Variants in CC2D1B observed in about 807,000 individuals in gnomAD.
CC2D1B encodes the protein coiled-coil and C2 domain containing 1B.
CC2D1B carries 92 observed loss-of-function variants against 110.8 expected under a neutral mutation model. The observed-to-expected ratio is 0.83, with a 90% CI of 0.70 to 0.99. The LOEUF is 0.99. Ranked by LOEUF, CC2D1B falls within the 50% of genes least tolerant of loss-of-function variation. The probability of loss-of-function intolerance (pLI) is 0.00; values close to 1 mark genes in which losing one functional copy is unlikely to be tolerated. For synonymous variants in CC2D1B, 406 were observed against 429.2 expected (o/e 0.95, Z 0.67); for missense variants, 1,136 against 1,089.0 (o/e 1.04, Z -0.61).
intron 4 of CC2D1B, 84 bp downstream of exon 4, chr1:52,361,429 C>T: frequency 1.0e-5 from 16 of 1,587,286 alleles, no homozygotes; most frequent in Non-Finnish European, 1.4e-5. Context: ...TACAGGGGCA[C>T]CCCCAGCCTC....
chr1:52,360,317 A>C (rs1569859214), intron 6 of CC2D1B, 84 bp from the exon 7 acceptor site: 2 of 1,595,026 alleles, frequency 1.3e-6, no homozygotes, highest in African/African-American at 1.3e-5. Flanking sequence ...TGGCCCCCCA[A>C]CCCCCAAAGT....
At chr1:52,364,068 A>G (rs1245514419) in intron 2 of CC2D1B, among the ~76,000 whole-genome samples, 1 of 152,198 alleles carries the variant, frequency 6.6e-6, no homozygotes, top group Non-Finnish European at 1.5e-5. Flanking sequence ...TTGCGACTTG[A>G]GTCTATGCCC....
rs1477017192 is a variant in CC2D1B at position 52,351,693 on chromosome 1, G to C, written c.*1532C>G. On this transcript the variant is annotated 3_prime_UTR_variant, in exon 25 of 25. Coordinates refer to ENST00000284376, the MANE Select transcript of CC2D1B (RefSeq NM_001330585.2). The stretch of plus-strand genomic sequence containing the variant: ...GAGGTCAGGAGTTCGAGACCAGCCT[G>C]ACCAACATGGTGAAACACCGTCTCT... 6.6e-6 allele frequency: 1 copy of C among 152,022 alleles called. No homozygotes were observed. Among genetic ancestry groups the C allele is most frequent in the Non-Finnish European group, 1.5e-5 (1 of 68,028 alleles). 9.4% of individuals were successfully genotyped at this position (152,022 alleles called of 1,614,324 possible).
intron 7 of CC2D1B, 36 bp downstream of exon 7, chr1:52,360,038 C>T (rs1646745237): frequency 1.3e-6 from 2 of 1,554,560 alleles, no homozygotes; most frequent in Non-Finnish European, 1.7e-6. Flanking sequence ...GCTATGACCC[C>T]AGGAACTAGA....
At chr1:52,362,508 T>C (rs1409744086) in intron 3 of CC2D1B, 94 bp downstream of exon 3, 4 of 1,455,632 alleles carry the variant, frequency 2.7e-6, no homozygotes, top group Non-Finnish European at 3.8e-6. Flanking sequence ...CCAGGGGATC[T>C]GGCTGGCTCC....
Position 52,361,846 on chromosome 1 carries a change from T to A in CC2D1B, c.215-230A>T, listed in dbSNP as rs552740679. Reference sequence around the variant, plus strand: ...CTGCTCCTTTCTCTGCACCTCTGCCTACGGTAGCCTGACATAGACATGGCC... The same window carrying A: ...CTGCTCCTTTCTCTGCACCTCTGCCAACGGTAGCCTGACATAGACATGGCC... On this transcript the variant is annotated intron_variant, in intron 3 of 24. Coordinates refer to ENST00000284376, the MANE Select transcript of CC2D1B (RefSeq NM_001330585.2). Among the ~76,000 whole-genome samples, 830 of 152,334 alleles carry A rather than the reference T, an allele frequency of 5.4e-3. 5 individuals are homozygous for A. Among genetic ancestry groups the A allele is most frequent in the South Asian group, 0.02 (96 of 4,826 alleles).
chr1:52,352,838 C>A lies in CC2D1B; in HGVS notation c.*387G>T, dbSNP rs1646554308. ...CCCGATCACCCTCAAGTTCTCCCATCCCATAGTTAGATCTTTTAAAGGCAC... is the reference window on the plus strand; with the variant it reads ...CCCGATCACCCTCAAGTTCTCCCATACCATAGTTAGATCTTTTAAAGGCAC... On this transcript the variant is annotated 3_prime_UTR_variant, in exon 25 of 25. Coordinates refer to ENST00000284376, the MANE Select transcript of CC2D1B (RefSeq NM_001330585.2). 6.1e-6 allele frequency: 1 copy of A among 163,130 alleles called. No individual in the cohort carries two copies. The highest frequency in any genetic ancestry group is 2.4e-5 in the African/African-American group (1 of 41,644). 10.1% of individuals were successfully genotyped at this position (163,130 alleles called of 1,614,324 possible). A position where few individuals can be genotyped will look rare whatever the true frequency, so the allele number is the denominator to read the frequency against.
Position 52,359,743 on chromosome 1 carries a change from C to A in CC2D1B, c.904G>T (p.Glu302Ter), listed in dbSNP as rs763802207. Reference protein sequence around the residue: ...VAALSAKRAGELDRARELMRI... With the variant: ...VAALSAKRAG ...ATGAGCTCTCGGGCACGGTCTAGCTCTCCAGCCCGCTTGGCACTGAGGGCA... is the reference window on the plus strand; with the variant it reads ...ATGAGCTCTCGGGCACGGTCTAGCTATCCAGCCCGCTTGGCACTGAGGGCA... The change falls in exon 8 of 25, where the codon GAG (glutamate) becomes TAG (stop). Residue 302 changes from glutamate to a stop codon, truncating the protein, a stop_gained. Transcript: ENST00000284376. LOFTEE classifies it high-confidence loss of function. 2 of 1,609,558 alleles carry A rather than the reference C, an allele frequency of 1.2e-6. No individual in the cohort carries two copies. Among genetic ancestry groups the A allele is most frequent in the East Asian group, 4.5e-5 (2 of 44,640 alleles).
At chr1:52,358,871 TG>T in intron 11 of CC2D1B, 113 bp from the exon 12 acceptor site, 1 of 1,431,372 alleles carries the variant, frequency 7.0e-7, no homozygotes, top group Non-Finnish European at 9.5e-7. Flanking sequence ...ACAGCAGCCC[TG>T]GGAGAAAAAA....
chr1:52,359,795 T>C lies in CC2D1B; in HGVS notation c.852A>G (p.Ser284=), dbSNP rs748755960. ...CCACTTTGTACTCTCTCTGTCGGGA[T>C]GACAGCAGGGCCCGCGGGTCTGGGT... The part of the protein sequence containing the change: ...DLDPDPRALL[S]SRQREYKVAA... Residue 284 remains serine, a synonymous_variant, in exon 8 of 25, where the codon TCA becomes TCG. Transcript: ENST00000284376. 2.1e-5 allele frequency: 34 copies of C among 1,611,518 alleles called. No individual in the cohort carries two copies. The highest frequency in any genetic ancestry group is 2.7e-5 in the Non-Finnish European group (32 of 1,178,984).
At position 52,353,063 on chromosome 1, in the gene CC2D1B, G is replaced by GGAAA. The variant is rs577898217; in HGVS notation, c.*158_*161dup. 6.8e-5 allele frequency: 46 copies of GGAAA among 679,716 alleles called. No individual in the cohort carries two copies. In the East Asian group the frequency reaches 1.0e-3, roughly 15 times the overall value. The allele number at this position is 679,716 out of a possible 1,614,324, so 42.1% of individuals were successfully genotyped here. ...TAGAGCCCCAGAGGGGCCAACAACA[G>GGAAA]GAAAGACCAGAGTCGTGGTCAGTAG... On this transcript the variant is annotated 3_prime_UTR_variant, in exon 25 of 25. Coordinates refer to ENST00000284376, the MANE Select transcript of CC2D1B (RefSeq NM_001330585.2).
Position 52,366,148 on chromosome 1 carries a change from G to A in CC2D1B, c.-94C>T, listed in dbSNP as rs1053879265. 2.0e-5 allele frequency: 3 copies of A among 152,134 alleles called. No homozygotes were observed. Among genetic ancestry groups the A allele is most frequent in the South Asian group, 2.1e-4 (1 of 4,836 alleles). 9.4% of individuals were successfully genotyped at this position (152,134 alleles called of 1,614,324 possible). A position where few individuals can be genotyped will look rare whatever the true frequency, so the allele number is the denominator to read the frequency against. On this transcript the variant is annotated 5_prime_UTR_variant, in exon 1 of 25. Coordinates refer to ENST00000284376, the MANE Select transcript of CC2D1B (RefSeq NM_001330585.2). The stretch of plus-strand genomic sequence containing the variant: ...GCTCCCGCGGGCCCTGGGCCGCAGC[G>A]GTAGCGACAGGAAGCGCCAGCAGGG...
intron 20 of CC2D1B, 67 bp from the exon 21 acceptor site, chr1:52,355,516 A>G: frequency 6.2e-7 from 1 of 1,606,412 alleles, no homozygotes. Context: ...CAGGCACTGC[A>G]GCCACACCTC....
chr1:52,356,578 G>T (rs2147890961), intron 16 of CC2D1B, 136 bp from the exon 17 acceptor site: 2 of 868,354 alleles, frequency 2.3e-6, no homozygotes, highest in Middle Eastern at 3.5e-4. Flanking sequence ...AGCCCCAAGG[G>T]CACTACTCCC....
Position 52,360,413 on chromosome 1 carries a change from G to A in CC2D1B, c.603+11C>T. 6.2e-7 allele frequency: 1 copy of A among 1,612,832 alleles called. No individual in the cohort carries two copies. Among genetic ancestry groups the A allele is most frequent in the Non-Finnish European group, 8.5e-7 (1 of 1,179,654 alleles). ...CCTCCCCTGCCCTGCTCCCAGCCTA[G>A]CCCGACTCACCTTCAGGCCGCGCTC... On this transcript the variant is annotated intron_variant, in intron 6 of 24. Coordinates refer to ENST00000284376, the MANE Select transcript of CC2D1B (RefSeq NM_001330585.2).
rs1569852461 is a variant in CC2D1B at position 52,359,058 on chromosome 1, C to T, written c.1226G>A (p.Arg409His). The T allele has an allele frequency of 3.1e-6, 5 of 1,608,014 alleles. No homozygotes were observed. Among genetic ancestry groups the T allele is most frequent in the East Asian group, 2.2e-5 (1 of 44,872 alleles). The change falls in exon 11 of 25, where the codon CGC becomes CAC. Residue 409 changes from arginine to histidine, a missense_variant. By Grantham distance (29) the Arg-to-His change is conservative. Transcript: ENST00000284376. ...AATGCGCTCATGCATCCGAGCCTTG[C>T]GCTCGTCCCCACCACTCCGGGCCTG... Reference protein sequence around the residue: ...GIQARSGGDERKARMHERIAK... With the variant: ...GIQARSGGDEHKARMHERIAK...
chr1:52,359,257 T>G lies in CC2D1B; in HGVS notation c.1119A>C (p.Ala373=), dbSNP rs777968601. The G allele has an allele frequency of 6.2e-7, 1 of 1,612,382 alleles. No homozygotes were observed. Among genetic ancestry groups the G allele is most frequent in the East Asian group, 2.2e-5 (1 of 44,820 alleles). The change falls in exon 10 of 25, where the codon GCA becomes GCC. Residue 373 remains alanine, a synonymous_variant. Transcript: ENST00000284376. ...CCCACCATCCTGCCCTACCTGGGGT[T>G]GCTGGGACGTCAGGGGCCATCACTG... ...VQPVMAPDVP[A]TPVAPTESQT...
At chr1:52,356,601 G>A (rs559605983) in intron 16 of CC2D1B, 159 bp from the exon 17 acceptor site, 23 of 709,438 alleles carry the variant, frequency 3.2e-5, no homozygotes, top group East Asian at 3.0e-4. Flanking sequence ...GTCCCACCAC[G>A]TTTCTCTGCC....
intron 15 of CC2D1B, 119 bp downstream of exon 15, chr1:52,357,407 C>T (rs1646677381): frequency 4.4e-6 from 5 of 1,129,902 alleles, no homozygotes; most frequent in Non-Finnish European, 6.2e-6. Context: ...TCCCAGCTGT[C>T]ATCATGCTCT....
Sources: allele counts gnomAD v4.1 joint callset (sites outside exome capture counted in the v4.1 genomes callset), GRCh38; gene constraint gnomAD v4.1.1; transcripts MANE v1.5; gene names NCBI Gene and HGNC (gene_info 2026-07-23, HGNC 2026-07-21).